Variants in AFF2 observed in about 807,000 individuals in gnomAD.
AFF2 encodes the protein ALF transcription elongation factor 2.
In AFF2, 14 loss-of-function variants were observed where a neutral mutation model predicts 76.9. That is an observed-to-expected ratio of 0.18 (90% CI 0.12 to 0.28). The LOEUF (loss-of-function observed/expected upper bound fraction) is 0.28, where lower values mean the gene tolerates loss of function less well. Among genes scored for constraint, AFF2 ranks in the 10% least tolerant of loss-of-function variants. The pLI is 1.00. For synonymous variants in AFF2, 398 were observed against 366.7 expected, an observed-to-expected ratio of 1.09 and a Z score of -0.98; for missense variants, 868 against 1,001.1, an observed-to-expected ratio of 0.87 and a Z score of 1.79.
rs1275338706 is a variant in AFF2, at chrX:148,994,464, A to C, written c.*3132A>C. 8.9e-6 allele frequency: 1 copy of C among 112,191 alleles called. No homozygotes were observed. The highest frequency in any genetic ancestry group is 1.9e-5 in the Non-Finnish European group (1 of 53,277). 9.2% of individuals were successfully genotyped at this position (112,191 alleles called of 1,213,427 possible). A position where few individuals can be genotyped will look rare whatever the true frequency, so the allele number is the denominator to read the frequency against. On this transcript the variant is annotated 3_prime_UTR_variant, in exon 21 of 21. Transcript: ENST00000370460. The stretch of plus-strand genomic sequence containing the variant: ...TACTTAATAATCTCATTGGGAAAAT[A>C]CTAGTAGTTTTATATTTGGATGACA...
rs1356831194 is a variant in AFF2, at chrX:148,843,497, A to G, written c.1262+64A>G. 15 of 914,024 alleles carry G rather than the reference A, an allele frequency of 1.6e-5. No individual in the cohort carries two copies. The East Asian group carries it at 3.1e-4, about 19-fold the overall frequency. 75.3% of individuals were successfully genotyped at this position (914,024 alleles called of 1,213,427 possible). A position where few individuals can be genotyped will look rare whatever the true frequency, so the allele number is the denominator to read the frequency against. ...TATTTGGCAAGGAAACAGTGCCTCAATGCTGATCTAATCTTGTTCTCTCCT... is the reference window on the plus strand; with the variant it reads ...TATTTGGCAAGGAAACAGTGCCTCAGTGCTGATCTAATCTTGTTCTCTCCT... On this transcript the variant is annotated intron_variant, in intron 7 of 20. Transcript: ENST00000370460.
chrX:148,698,077 T>G (rs2054741679), intron 3 of AFF2, among the ~76,000 whole-genome samples: 1 of 112,369 alleles, frequency 8.9e-6, no homozygotes. Context: ...TATACGTGTG[T>G]GTCTAGAGTA....
At chrX:148,745,453 CT>C (rs1354871414) in intron 3 of AFF2, among the ~76,000 whole-genome samples, 1 of 111,967 alleles carries the variant, frequency 8.9e-6, no homozygotes, top group Admixed American at 9.5e-5. Context: ...TGCTTCTTGA[CT>C]TTTTGCAAAA....
At chrX:148,509,292 T>A (rs5980541) in intron 1 of AFF2, among the ~76,000 whole-genome samples, 3,013 of 111,840 alleles carry the variant, frequency 0.027, 102 homozygotes, top group African/African-American at 0.094. Flanking sequence ...TTAGTGCACT[T>A]CAGAGTGAAA....
intron 10 of AFF2, among the ~76,000 whole-genome samples, chrX:148,954,411 A>G (rs1455552161): frequency 8.1e-5 from 9 of 111,564 alleles, no homozygotes; most frequent in African/African-American, 2.9e-4. Context: ...CCGGCTCTTC[A>G]TACACTTGTT....
chrX:148,613,671 C>G (rs1468449585), intron 1 of AFF2, among the ~76,000 whole-genome samples: 1 of 111,428 alleles, frequency 9.0e-6, no homozygotes, highest in Non-Finnish European at 1.9e-5. Context: ...ATCACATGCC[C>G]TCATGAGCCC....
intron 9 of AFF2, among the ~76,000 whole-genome samples, chrX:148,906,931 G>A (rs1408136429): frequency 1.8e-5 from 2 of 111,647 alleles, no homozygotes; most frequent in Non-Finnish European, 3.8e-5. Context: ...AAGTGCCTGG[G>A]TTCATCCTAA....
chrX:148,773,694 G>GAAAGA (rs2069623950), intron 3 of AFF2, among the ~76,000 whole-genome samples: 1 of 73,020 alleles, frequency 1.4e-5, no homozygotes, highest in Non-Finnish European at 2.5e-5. Flanking sequence ...AGGAAAGAAA[G>GAAAGA]AAAGAAAGAA....
At chrX:148,977,797 C>A in intron 16 of AFF2, 136 bp from the exon 17 acceptor site, 1 of 484,298 alleles carries the variant, frequency 2.1e-6, no homozygotes, top group Non-Finnish European at 3.6e-6. Context: ...CATGCTTTTG[C>A]CCACATGTAC....
chrX:148,945,947 C>T (rs1042560059), intron 9 of AFF2, among the ~76,000 whole-genome samples: 2 of 111,640 alleles, frequency 1.8e-5, no homozygotes, highest in East Asian at 2.8e-4. Context: ...AAATGGGAGA[C>T]GGGGCACAGG....
chrX:148,967,102 G>T, intron 14 of AFF2, 23 bp downstream of exon 14: 1 of 1,203,095 alleles, frequency 8.3e-7, no homozygotes, highest in Middle Eastern at 2.3e-4. Flanking sequence ...AGATTATCAT[G>T]GACAGTTTGG....
intron 4 of AFF2, among the ~76,000 whole-genome samples, chrX:148,815,865 T>C (rs186998403): frequency 1.8e-5 from 2 of 111,700 alleles, no homozygotes; most frequent in Admixed American, 9.5e-5. Context: ...AGTAAATTTA[T>C]CAGTTCCTGT....
chrX:148,985,197 C>A (rs185058383), intron 19 of AFF2, among the ~76,000 whole-genome samples: 12 of 101,934 alleles, frequency 1.2e-4, no homozygotes, highest in East Asian at 7.0e-4. Flanking sequence ...GTTGGCCAGG[C>A]TGGTTTTCGA....
intron 3 of AFF2, among the ~76,000 whole-genome samples, chrX:148,703,353 C>T (rs1557262034): frequency 8.9e-6 from 1 of 112,112 alleles, no homozygotes. Context: ...CCTCACTAAC[C>T]ATGAACCATT....
At chrX:148,513,671 A>G (rs976083606) in intron 1 of AFF2, among the ~76,000 whole-genome samples, 17 of 111,811 alleles carry the variant, frequency 1.5e-4, no homozygotes, top group African/African-American at 5.5e-4. Flanking sequence ...ATTATAAAAT[A>G]TGGGATAAGT....
At chrX:148,754,523 G>A (rs1233275494) in intron 3 of AFF2, among the ~76,000 whole-genome samples, 1 of 110,803 alleles carries the variant, frequency 9.0e-6, no homozygotes, top group African/African-American at 3.3e-5. Flanking sequence ...AGCTATCTAT[G>A]GGCTTCTTCT....
At chrX:148,537,608 G>C (rs139509026) in intron 1 of AFF2, among the ~76,000 whole-genome samples, 1,223 of 108,118 alleles carry the variant, frequency 0.011, 27 homozygotes, top group African/African-American at 0.037. Flanking sequence ...CTGCCGTTAT[G>C]CTCTAGGGCA....
intron 1 of AFF2, among the ~76,000 whole-genome samples, chrX:148,531,689 A>T (rs1406806305): frequency 8.9e-6 from 1 of 111,961 alleles, no homozygotes; most frequent in East Asian, 2.8e-4. Flanking sequence ...CAAATATTGA[A>T]TTTATGTTTG....
intron 3 of AFF2, among the ~76,000 whole-genome samples, chrX:148,730,414 T>G (rs2055206638): frequency 8.9e-6 from 1 of 112,073 alleles, no homozygotes; most frequent in African/African-American, 3.2e-5. Flanking sequence ...AAGGACCCAG[T>G]GACAGAAATA....
Sources: gnomAD v4.1 joint callset for allele counts (sites outside exome capture counted in the v4.1 genomes callset) on GRCh38, gnomAD v4.1.1 for gene constraint, MANE v1.5 for transcripts, NCBI Gene and HGNC (gene_info 2026-07-23, HGNC 2026-07-21) for gene names.